HSPA9: variants seen among roughly 807,000 people sequenced by gnomAD.
HSPA9 encodes stress-70 protein, mitochondrial.
HSPA9 carries 28 observed loss-of-function variants against 81.5 expected under a neutral mutation model. The observed-to-expected ratio is 0.34, with a 90% confidence interval of 0.25 to 0.47. HSPA9 has a LOEUF of 0.47. Among genes scored for constraint, HSPA9 ranks in the 20% least tolerant of loss-of-function variants. The pLI is 1.00. For synonymous variants in HSPA9, 293 were observed against 290.4 expected, an observed-to-expected ratio of 1.01 and a Z score of -0.09; for missense variants, 678 against 838.0, an observed-to-expected ratio of 0.81 and a Z score of 2.36.
In HSPA9 at chr5:138,567,166, G is replaced by A; in HGVS notation, c.717-3C>T. 1.3e-6 allele frequency: 2 copies of A among 1,583,934 alleles called. No individual in the cohort carries two copies. The highest frequency in any genetic ancestry group is 8.6e-7 in the Non-Finnish European group (1 of 1,167,774). On this transcript the variant is annotated splice_polypyrimidine_tract_variant and splice_region_variant and intron_variant, in intron 7 of 16. Coordinates refer to ENST00000297185, the MANE Select transcript of HSPA9 (RefSeq NM_004134.7). ...CACCTAAATCATATACAGCAATGCT[G>A]TAAATGATTTGTGAAAAAAAAAAGA... is the stretch of plus-strand genomic sequence containing the variant.
intron 3 of HSPA9, among the ~76,000 whole-genome samples, chr5:138,572,938 C>T (rs551975468): frequency 6.6e-6 from 1 of 152,198 alleles, no homozygotes; most frequent in Non-Finnish European, 1.5e-5. Flanking sequence ...CTCTGTCACC[C>T]AGGCTGGAGT....
intron 2 of HSPA9, 35 bp from the exon 3 acceptor site, chr5:138,573,885 T>A (rs746912454): frequency 6.5e-7 from 1 of 1,536,344 alleles, no homozygotes; most frequent in Non-Finnish European, 9.0e-7. Context: ...ACAGCTATTG[T>A]TATCTTGATA....
rs751963587 is a variant in HSPA9, at chr5:138,567,712, C to T, written c.546G>A (p.Leu182=). 1.2e-6 allele frequency: 2 copies of T among 1,612,510 alleles called. No individual in the cohort carries two copies. Among genetic ancestry groups the T allele is most frequent in the South Asian group, 2.2e-5 (2 of 91,010 alleles). Residue 182 remains leucine (L), a synonymous_variant, in exon 6 of 17, where the codon TTG becomes TTA. Transcript: ENST00000297185. ...TCACAGCATTTTTTGCTGTGTGCCCCAAGTAATTTTCTGGAAAAGAATGAA... is the reference window on the plus strand; with the variant it reads ...TCACAGCATTTTTTGCTGTGTGCCCTAAGTAATTTTCTGGAAAAGAATGAA... The part of the protein sequence containing the change: ...MKMKETAENY[L]GHTAKNAVIT...
Position 138,561,373 on chromosome 5 carries a change from T to C in HSPA9, c.1182+207A>G, listed in dbSNP as rs186005086. Among the ~76,000 whole-genome samples, 525 of 152,220 alleles carry C rather than the reference T, an allele frequency of 3.4e-3. 4 individuals are homozygous for C. The highest frequency in any genetic ancestry group is 0.012 in the African/African-American group (510 of 41,532). On this transcript the variant is annotated intron_variant, in intron 10 of 16. Coordinates refer to ENST00000297185, the MANE Select transcript of HSPA9 (RefSeq NM_004134.7). The stretch of plus-strand genomic sequence containing the variant: ...ATCTGCCCGCCTCAGCCTCCCGAAG[T>C]GTTGGGATTATAGGCGTGAACCACC...
At chr5:138,566,472 C>T (rs745714758) in intron 9 of HSPA9, among the ~76,000 whole-genome samples, 154 bp downstream of exon 9, 14 of 152,122 alleles carry the variant, frequency 9.2e-5, no homozygotes, top group African/African-American at 2.4e-4. Flanking sequence ...TGTCCCTGTG[C>T]TCATGGCAAA....
In HSPA9 at chr5:138,563,129, A is replaced by C. The variant is rs192712172; in HGVS notation, c.973-1340T>G. 3.6e-3 allele frequency among the ~76,000 whole-genome samples: 541 copies of C among 152,270 alleles called. 5 individuals are homozygous for C. Among genetic ancestry groups the C allele is most frequent in the African/African-American group, 0.012 (501 of 41,554 alleles). ...TATTATTGACAATTTCTTTTTTGCA[A>C]AATGTTGATTAACCAAATCAGAACA... On this transcript the variant is annotated intron_variant, in intron 9 of 16. Transcript: ENST00000297185.
At chr5:138,557,535 A>G in intron 13 of HSPA9, 39 bp from the exon 14 acceptor site, 1 of 1,202,200 alleles carries the variant, frequency 8.3e-7, no homozygotes. Context: ...TTCCCAGGTA[A>G]AGTTATATGC....
intron 5 of HSPA9, among the ~76,000 whole-genome samples, chr5:138,568,061 T>C (rs554754871): frequency 1.1e-4 from 17 of 152,258 alleles, no homozygotes; most frequent in Admixed American, 5.2e-4. Flanking sequence ...GGCGCATGCC[T>C]GTCATTTCAG....
At chr5:138,557,188 C>T in intron 14 of HSPA9, 1 of 620,202 alleles carries the variant, frequency 1.6e-6, no homozygotes, top group Admixed American at 2.8e-5. Flanking sequence ...AACTCTCCCA[C>T]TTTCTTGTTC....
intron 10 of HSPA9, among the ~76,000 whole-genome samples, chr5:138,561,363 C>T (rs1750656358): frequency 2.0e-5 from 3 of 152,308 alleles, no homozygotes; most frequent in African/African-American, 7.2e-5. Context: ...CCCGCCTCAG[C>T]CTCCCGAAGT....
In HSPA9 at chr5:138,556,859, A is replaced by G. The variant is rs1750538962; in HGVS notation, c.1736T>C (p.Val579Ala). 1 of 1,612,510 alleles carries G rather than the reference A, an allele frequency of 6.2e-7. No individual in the cohort carries two copies. The highest frequency in any genetic ancestry group is 1.3e-5 in the African/African-American group (1 of 74,876). Residue 579 changes from valine to alanine, a missense_variant, in exon 15 of 17, where the codon GTT (valine) becomes GCT (alanine). Val to Ala is a moderately conservative substitution (Grantham distance 64). Around this residue, in one of 4 missense-constraint regions of HSPA9, gnomAD observed 484 missense variants for 647.5 expected, o/e 0.75. Transcript: ENST00000297185. ...TCCTTCAGCCATATTAACTGCTTCA[A>G]CTCGTTCCTTAGAGAAATTAGAAGT... ...AEEDRRKKER[V>A]EAVNMAEGII...
In HSPA9 at chr5:138,553,839, G is replaced by C. The variant is rs148065389; in HGVS notation, c.*2198C>G. Among the ~76,000 whole-genome samples, 1 of 152,150 alleles carries C rather than the reference G, an allele frequency of 6.6e-6. No homozygotes were observed. Among genetic ancestry groups the C allele is most frequent in the African/African-American group, 2.4e-5 (1 of 41,416 alleles). On this transcript the variant is annotated 3_prime_UTR_variant, in exon 17 of 17. Coordinates refer to ENST00000297185, the MANE Select transcript of HSPA9 (RefSeq NM_004134.7). ...CGGGTTAAACATTTGTCTCTCTCCA[G>C]AAGAGATTAGTATTGAATTGGAGAT... is the stretch of plus-strand genomic sequence containing the variant.
chr5:138,575,160 C>T, intron 1 of HSPA9, 78 bp downstream of exon 1: 2 of 995,882 alleles, frequency 2.0e-6, no homozygotes, highest in African/African-American at 3.2e-5. Flanking sequence ...CCCTAAAGGG[C>T]GCGCGGCCTG....
At chr5:138,569,544 A>G (rs1020051579) in intron 4 of HSPA9, among the ~76,000 whole-genome samples, 2 of 152,206 alleles carry the variant, frequency 1.3e-5, no homozygotes, top group African/African-American at 4.8e-5. Context: ...ACAGTATAGT[A>G]TTATTTGGCC....
chr5:138,568,140 G>A (rs560252773), intron 5 of HSPA9, among the ~76,000 whole-genome samples: 3 of 150,748 alleles, frequency 2.0e-5, no homozygotes, highest in Admixed American at 6.6e-5. Flanking sequence ...AGACAAGATC[G>A]CACCACTGCA....
chr5:138,571,812 T>TTTTG (rs113553648), intron 3 of HSPA9, among the ~76,000 whole-genome samples: 1 of 146,178 alleles, frequency 6.8e-6, no homozygotes, highest in African/African-American at 2.5e-5. Flanking sequence ...CCAACTAATT[T>TTTTG]TGTGTGTGTG....
At chr5:138,570,751 C>G in intron 4 of HSPA9, 2 of 524,540 alleles carry the variant, frequency 3.8e-6, no homozygotes, top group Admixed American at 3.0e-5. Flanking sequence ...TCCCAAAGTG[C>G]TAGGATTACA....
At chr5:138,560,828 G>A (rs763058022) in intron 10 of HSPA9, 7 of 425,780 alleles carry the variant, frequency 1.6e-5, no homozygotes, top group Non-Finnish European at 2.3e-5. Context: ...GATTACAGGC[G>A]TAAGCCACTG....
rs1750480802 is a variant in HSPA9, at chr5:138,554,590, AT to A, written c.*1446del. On this transcript the variant is annotated 3_prime_UTR_variant, in exon 17 of 17. Coordinates refer to ENST00000297185, the MANE Select transcript of HSPA9 (RefSeq NM_004134.7). ...TACTTGCAAATTAAATTGATTTCTT[AT>A]ACTGATTTTTGGAAATACAGTAATC... Among the ~76,000 whole-genome samples the A allele has an allele frequency of 6.6e-6, 1 of 152,344 alleles. No homozygotes were observed. Among genetic ancestry groups the A allele is most frequent in the South Asian group, 2.1e-4 (1 of 4,832 alleles).
Sources: allele counts gnomAD v4.1 joint callset (sites outside exome capture counted in the v4.1 genomes callset), GRCh38; gene constraint gnomAD v4.1.1; regional missense constraint gnomAD v4.1.1; transcripts MANE v1.5; gene names NCBI Gene and HGNC (gene_info 2026-07-23, HGNC 2026-07-21).